Variants in DRC7 observed in about 807,000 individuals in gnomAD.
The protein encoded by DRC7 is coiled-coil domain containing 135.
In DRC7, 80 loss-of-function variants were observed where a neutral mutation model predicts 104.4. The ratio of observed to expected loss-of-function variants is 0.77; its 90% CI spans 0.64 to 0.92. The LOEUF (loss-of-function observed/expected upper bound fraction) is 0.92. DRC7 is among the 40% of genes least tolerant of loss of function. The pLI, the probability that DRC7 is intolerant of heterozygous loss-of-function variation, is 0.00. For missense variants in DRC7, 1,034 were observed against 1,141.1 expected, an observed-to-expected ratio of 0.91 and a Z score of 1.35; for synonymous variants, 405 against 447.3, an observed-to-expected ratio of 0.91 and a Z score of 1.19.
chr16:57,700,286 AGGCTGCAT>A lies in DRC7; in HGVS notation c.504+18_504+25del. On this transcript the variant is annotated intron_variant, in intron 5 of 18. Coordinates refer to ENST00000360716, the MANE Select transcript of DRC7 (RefSeq NM_001289162.2). ...TCTCAAGCCGGTAAGCACCACTCAC[AGGCTGCAT>A]GCCTGAGCCCACCAGGACTAAGATG... The A allele has an allele frequency of 6.2e-7, 1 of 1,608,810 alleles. No individual in the cohort carries two copies. The highest frequency in any genetic ancestry group is 8.5e-7 in the Non-Finnish European group (1 of 1,176,178).
At chr16:57,722,687 G>C (rs1368543704) in intron 10 of DRC7, 26 bp from the exon 11 acceptor site, 2 of 1,612,662 alleles carry the variant, frequency 1.2e-6, no homozygotes, top group Admixed American at 3.3e-5. Flanking sequence ...CTAGCAAGAA[G>C]AGACCACAGC....
At chr16:57,699,126 C>A in intron 4 of DRC7, 102 bp downstream of exon 4, 1 of 1,387,948 alleles carries the variant, frequency 7.2e-7, no homozygotes, top group Non-Finnish European at 9.8e-7. Context: ...GGCCAAATCA[C>A]GGACCTCCTG....
chr16:57,721,912 G>A (rs965360227), intron 10 of DRC7, among the ~76,000 whole-genome samples, 173 bp downstream of exon 10: 6 of 124,836 alleles, frequency 4.8e-5, no homozygotes, highest in Admixed American at 2.6e-4. Context: ...CCTGCCACAC[G>A]CACTCAGCTC....
At chr16:57,716,502 G>GAAAA (rs57994446) in intron 8 of DRC7, among the ~76,000 whole-genome samples, 4,673 of 118,616 alleles carry the variant, frequency 0.039, 243 homozygotes, top group East Asian at 0.21. Flanking sequence ...GACTCCATCT[G>GAAAA]AAAAAAAAAA....
In DRC7 at chr16:57,731,442, C is replaced by A. The variant is rs2049061228; in HGVS notation, c.*184C>A. Reference sequence around the variant, plus strand: ...CATGATTTTCCTGTAAATAAACACACTCTTAATTTGCCATTTGTGCCTTGC... The same window carrying A: ...CATGATTTTCCTGTAAATAAACACAATCTTAATTTGCCATTTGTGCCTTGC... On this transcript the variant is annotated 3_prime_UTR_variant, in exon 19 of 19. Transcript: ENST00000360716. 1.7e-6 allele frequency: 1 copy of A among 596,944 alleles called. No individual in the cohort carries two copies. Among genetic ancestry groups the A allele is most frequent in the Non-Finnish European group, 3.0e-6 (1 of 336,538 alleles). The allele number at this position is 596,944 out of a possible 1,614,324, so 37.0% of individuals were successfully genotyped here.
At chr16:57,730,832 C>A in intron 17 of DRC7, 99 bp from the exon 18 acceptor site, 1 of 1,334,106 alleles carries the variant, frequency 7.5e-7, no homozygotes, top group Non-Finnish European at 1.0e-6. Context: ...TGGGGCCAAC[C>A]GTCATGGTGC....
Position 57,699,009 on chromosome 16 carries a change from C to G in DRC7, c.363C>G (p.Asn121Lys), listed in dbSNP as rs116591936. The G allele has an allele frequency of 6.2e-7, 1 of 1,614,044 alleles. No homozygotes were observed. Among genetic ancestry groups the G allele is most frequent in the Non-Finnish European group, 8.5e-7 (1 of 1,179,976 alleles). Residue 121 changes from asparagine to lysine, a missense_variant, in exon 4 of 19, where the codon AAC becomes AAG. Coordinates refer to ENST00000360716, the MANE Select transcript of DRC7 (RefSeq NM_001289162.2). ...DRVPLFLHPL[N>K]ECEVPKFVST... ...TGCCCCTCTTCCTGCACCCCCTGAA[C>G]GAGTGTGAAGTGCCCGTAAGGCTGG...
In DRC7 at chr16:57,701,460, A is replaced by AG. The variant is rs3833076; in HGVS notation, c.505-472dup. 80 of 157,122 alleles carry AG rather than the reference A, an allele frequency of 5.1e-4. No individual in the cohort carries two copies. In the East Asian group the frequency reaches 0.012, roughly 24 times the overall value. 9.7% of individuals were successfully genotyped at this position (157,122 alleles called of 1,614,324 possible). A position where few individuals can be genotyped will look rare whatever the true frequency, so the allele number is the denominator to read the frequency against. ...GCTTCAAGCGGTACAGGAAAGAGAG[A>AG]GGGGAGGCCCGGCTGCCCGTGGCCC... On this transcript the variant is annotated intron_variant, in intron 5 of 18. Transcript: ENST00000360716.
At position 57,700,172 on chromosome 16, in the gene DRC7, A is replaced by G. The variant is rs560274276; in HGVS notation, c.406A>G (p.Thr136Ala). ...GTTCGTGAGCACAACCCTCCGGCCC[A>G]CACTGATGCCCTACCCCGAGCTCTA... ...PKFVSTTLRP[T>A]LMPYPELYNW... is the part of the protein sequence containing the mutation. Residue 136 changes from threonine (T) to alanine (A), a missense_variant, in exon 5 of 19, where the codon ACA becomes GCA. Physicochemically the swap from Thr to Ala is moderately conservative, Grantham distance 58. Coordinates refer to ENST00000360716, the MANE Select transcript of DRC7 (RefSeq NM_001289162.2). 5.0e-6 allele frequency: 8 copies of G among 1,613,972 alleles called. No homozygotes were observed. The highest frequency in any genetic ancestry group is 6.8e-6 in the Non-Finnish European group (8 of 1,179,944).
At chr16:57,721,630 C>T (rs1358908664) in intron 9 of DRC7, 37 bp from the exon 10 acceptor site, 2 of 1,537,052 alleles carry the variant, frequency 1.3e-6, no homozygotes, top group Non-Finnish European at 9.0e-7. Flanking sequence ...AACACCCTGA[C>T]CAGCACCACC....
intron 8 of DRC7, among the ~76,000 whole-genome samples, 168 bp from the exon 9 acceptor site, chr16:57,718,179 T>C (rs1283288078): frequency 6.6e-6 from 1 of 151,822 alleles, no homozygotes; most frequent in Middle Eastern, 3.2e-3. Flanking sequence ...GGATGAGGAG[T>C]GTGGGCATGG....
chr16:57,702,566 A>G (rs757813337), intron 6 of DRC7, among the ~76,000 whole-genome samples: 7 of 152,242 alleles, frequency 4.6e-5, no homozygotes, highest in Non-Finnish European at 1.0e-4. Context: ...TGGGAGTCCA[A>G]GGCGAGCAAA....
chr16:57,721,051 C>T (rs991901678), intron 9 of DRC7, among the ~76,000 whole-genome samples: 14 of 152,100 alleles, frequency 9.2e-5, no homozygotes, highest in African/African-American at 3.4e-4. Flanking sequence ...GCCGTCTCTA[C>T]TAAAAATACA....
intron 8 of DRC7, among the ~76,000 whole-genome samples, chr16:57,716,709 G>T (rs2048847631): frequency 6.6e-6 from 1 of 152,050 alleles, no homozygotes; most frequent in African/African-American, 2.4e-5. Flanking sequence ...ACCCACACAT[G>T]ACAGTGAGTA....
Position 57,700,310 on chromosome 16 carries a change from G to T in DRC7, c.504+40G>T, listed in dbSNP as rs79328576. The T allele has an allele frequency of 1.9e-3, 3,083 of 1,582,662 alleles. 42 individuals are homozygous for T. In the African/African-American group the frequency reaches 0.035, roughly 18 times the overall value. On this transcript the variant is annotated intron_variant, in intron 5 of 18. Transcript: ENST00000360716. Reference sequence around the variant, plus strand: ...CAGGCTGCATGCCTGAGCCCACCAGGACTAAGATGGTGTGAGAAACAAACT... The same window carrying T: ...CAGGCTGCATGCCTGAGCCCACCAGTACTAAGATGGTGTGAGAAACAAACT...
At chr16:57,726,633 C>T (rs1423526029) in intron 14 of DRC7, 199 bp from the exon 15 acceptor site, 5 of 561,336 alleles carry the variant, frequency 8.9e-6, no homozygotes, top group African/African-American at 1.9e-5. Flanking sequence ...CCGGCACAGT[C>T]CCCAGCTTTT....
rs2048696278 is a variant in DRC7 at position 57,704,965 on chromosome 16, G to A, written c.789G>A (p.Glu263=). The part of the protein sequence containing the change: ...DLCSRFEQEQ[E]VKKQQEIRAQ... ...GCAGCAGGTTTGAGCAGGAGCAAGA[G>A]GTGAAGAAGCAGCAGGAGATCAGAG... Residue 263 remains glutamate (E), a synonymous_variant, in exon 7 of 19, where the codon GAG becomes GAA. Coordinates refer to ENST00000360716, the MANE Select transcript of DRC7 (RefSeq NM_001289162.2). The A allele has an allele frequency of 6.2e-7, 1 of 1,613,766 alleles. No individual in the cohort carries two copies. Among genetic ancestry groups the A allele is most frequent in the Non-Finnish European group, 8.5e-7 (1 of 1,179,948 alleles).
intron 12 of DRC7, among the ~76,000 whole-genome samples, chr16:57,723,570 A>G (rs962466050): frequency 6.6e-5 from 10 of 152,122 alleles, no homozygotes; most frequent in Non-Finnish European, 1.0e-4. Context: ...TCTACAAAAA[A>G]TATAAAAATT....
In DRC7 at chr16:57,724,604, T is replaced by C. The variant is rs1281139075; in HGVS notation, c.1538-11T>C. On this transcript the variant is annotated splice_polypyrimidine_tract_variant and intron_variant, in intron 12 of 18. Coordinates refer to ENST00000360716, the MANE Select transcript of DRC7 (RefSeq NM_001289162.2). ...GAAGCTGTCTCCTCCCAACTCCCGCTCCCCACCCAGTGCACTCGTACAAGT... is the reference window on the plus strand; with the variant it reads ...GAAGCTGTCTCCTCCCAACTCCCGCCCCCCACCCAGTGCACTCGTACAAGT... 4 of 1,596,576 alleles carry C rather than the reference T, an allele frequency of 2.5e-6. No homozygotes were observed. In the South Asian group the frequency reaches 4.5e-5, roughly 18 times the overall value.
Sources: allele counts gnomAD v4.1 joint callset (sites outside exome capture counted in the v4.1 genomes callset), GRCh38; gene constraint gnomAD v4.1.1; transcripts MANE v1.5; gene names NCBI Gene and HGNC (gene_info 2026-07-23, HGNC 2026-07-21).